PHKA1: variants seen among roughly 807,000 people sequenced by gnomAD.
The protein encoded by PHKA1 is phosphorylase b kinase regulatory subunit alpha, skeletal muscle isoform.
Under a neutral mutation model 110.2 loss-of-function variants are expected in PHKA1, and 60 were observed. The observed-to-expected ratio is 0.54, with a 90% CI of 0.44 to 0.68. The LOEUF (loss-of-function observed/expected upper bound fraction) is 0.68. PHKA1 is among the 30% of genes least tolerant of loss of function. PHKA1 has a pLI of 0.00. For synonymous variants in PHKA1, 316 were observed against 333.6 expected (o/e 0.95, Z 0.58); for missense variants, 801 against 942.5 (o/e 0.85, Z 1.97).
At chrX:72,629,152 A>G (rs185540565) in intron 16 of PHKA1, among the ~76,000 whole-genome samples, 4 of 111,488 alleles carry the variant, frequency 3.6e-5, no homozygotes, top group Non-Finnish European at 7.5e-5. Flanking sequence ...GTTCATAAAA[A>G]TTTATGTTTT....
chrX:72,656,891 T>A (rs1556301697), intron 9 of PHKA1, among the ~76,000 whole-genome samples: 1 of 111,656 alleles, frequency 9.0e-6, no homozygotes, highest in Non-Finnish European at 1.9e-5. Flanking sequence ...ATAATTTTAG[T>A]ACACTGATAG....
At chrX:72,633,190 G>A (rs2053187152) in intron 16 of PHKA1, among the ~76,000 whole-genome samples, 1 of 111,588 alleles carries the variant, frequency 9.0e-6, no homozygotes, top group African/African-American at 3.3e-5. Flanking sequence ...CCCCAAATTC[G>A]TTTGTTGAAA....
chrX:72,602,315 A>G, intron 26 of PHKA1, 42 bp from the exon 27 acceptor site: 1 of 834,660 alleles, frequency 1.2e-6, no homozygotes, highest in African/African-American at 2.0e-5. Flanking sequence ...AGAGGATAAT[A>G]AGGTTCAATT....
At chrX:72,659,017 A>T (rs1323841035) in intron 8 of PHKA1, among the ~76,000 whole-genome samples, 2 of 112,188 alleles carry the variant, frequency 1.8e-5, no homozygotes, top group Admixed American at 1.9e-4. Flanking sequence ...AATAATTGTT[A>T]TTCTTGTGTT....
intron 16 of PHKA1, among the ~76,000 whole-genome samples, chrX:72,631,382 A>C (rs1250709264): frequency 4.5e-5 from 5 of 111,169 alleles, no homozygotes; most frequent in African/African-American, 1.6e-4. Context: ...TAAGCTCCCC[A>C]CTAGCCCTTC....
In PHKA1 at chrX:72,582,335, T is replaced by G. The variant is rs1199709401; in HGVS notation, c.3498+63A>C. ...AAGTGACCGTGGCTCCTCAAAGACC[T>G]CTGAATGTCATCAGGTTGGAGTAAA... On this transcript the variant is annotated intron_variant, in intron 31 of 31. Transcript: ENST00000373542. The G allele has an allele frequency of 8.1e-5, 68 of 837,916 alleles. 1 individual carries two copies. The East Asian group carries it at 2.1e-3, about 26-fold the overall frequency. 69.1% of individuals were successfully genotyped at this position (837,916 alleles called of 1,213,427 possible).
intron 9 of PHKA1, 47 bp downstream of exon 9, chrX:72,657,541 G>GA (rs2053510537): frequency 1.6e-5 from 15 of 942,993 alleles, no homozygotes; most frequent in Non-Finnish European, 2.1e-5. Flanking sequence ...GCTGCAGGTA[G>GA]AAGTGGCCAT....
intron 5 of PHKA1, among the ~76,000 whole-genome samples, chrX:72,677,680 T>C (rs1569448081): frequency 8.9e-6 from 1 of 112,002 alleles, no homozygotes; most frequent in South Asian, 3.7e-4. Context: ...CCATTTATTT[T>C]GTTGTTCAAA....
chrX:72,698,898 A>G (rs912722689), intron 3 of PHKA1, among the ~76,000 whole-genome samples: 1 of 112,089 alleles, frequency 8.9e-6, no homozygotes, highest in Admixed American at 9.5e-5. Flanking sequence ...ATAATTTTCA[A>G]TGGCAGTTTC....
chrX:72,632,910 T>A (rs1170500628), intron 16 of PHKA1, among the ~76,000 whole-genome samples: 1 of 111,968 alleles, frequency 8.9e-6, no homozygotes, highest in Non-Finnish European at 1.9e-5. Flanking sequence ...ATTCAGTAAA[T>A]ATTACAGTTA....
chrX:72,650,508 A>G, intron 12 of PHKA1, 40 bp from the exon 13 acceptor site: 1 of 1,041,702 alleles, frequency 9.6e-7, no homozygotes, highest in Non-Finnish European at 1.3e-6. Flanking sequence ...TTAAGTCTCA[A>G]AAGAGAAACT....
intron 18 of PHKA1, chrX:72,622,455 C>T (rs2052993339): frequency 4.0e-6 from 3 of 753,960 alleles, no homozygotes; most frequent in Non-Finnish European, 4.7e-6. Flanking sequence ...GTATGAAATT[C>T]AAGCAACATA....
intron 23 of PHKA1, 41 bp from the exon 24 acceptor site, chrX:72,605,660 C>A: frequency 1.0e-6 from 1 of 984,438 alleles, no homozygotes; most frequent in South Asian, 2.0e-5. Flanking sequence ...ATTCTACAAC[C>A]ACTTAATCTT....
intron 8 of PHKA1, among the ~76,000 whole-genome samples, chrX:72,662,945 G>A (rs2053577412): frequency 2.7e-5 from 3 of 110,443 alleles, no homozygotes; most frequent in African/African-American, 9.9e-5. Context: ...AGAGGTACCT[G>A]CTCCACCAGA....
intron 28 of PHKA1, 44 bp from the exon 29 acceptor site, chrX:72,593,318 G>T: frequency 2.0e-6 from 2 of 992,675 alleles, no homozygotes; most frequent in Non-Finnish European, 2.8e-6. Flanking sequence ...AGTTATCTCT[G>T]TTTCTATGAT....
intron 3 of PHKA1, among the ~76,000 whole-genome samples, chrX:72,703,257 A>T (rs2054230713): frequency 8.9e-6 from 1 of 112,133 alleles, no homozygotes; most frequent in Non-Finnish European, 1.9e-5. Context: ...TGTGCAAAGG[A>T]CAACTGAAAG....
chrX:72,583,567 C>A lies in PHKA1; in HGVS notation c.3297+682G>T, dbSNP rs781892957. 5.4e-5 allele frequency among the ~76,000 whole-genome samples: 6 copies of A among 111,951 alleles called. No individual in the cohort carries two copies. The South Asian group carries it at 2.3e-3, about 42-fold the overall frequency. On this transcript the variant is annotated intron_variant, in intron 30 of 31. Transcript: ENST00000373542. The stretch of plus-strand genomic sequence containing the variant: ...TCCCCCAAGATGCTATCTGAAACAA[C>A]CCCAGCATTTTTGAGAACTTTCTAC...
intron 5 of PHKA1, among the ~76,000 whole-genome samples, chrX:72,682,889 C>G (rs1209035446): frequency 1.3e-5 from 1 of 78,441 alleles, no homozygotes; most frequent in Non-Finnish European, 2.4e-5. Context: ...CTGCCAAATC[C>G]CCCTCTGTGA....
At chrX:72,648,334 G>C (rs937192392) in intron 13 of PHKA1, among the ~76,000 whole-genome samples, 2 of 111,540 alleles carry the variant, frequency 1.8e-5, no homozygotes, top group African/African-American at 3.3e-5. Context: ...AGACTGTAGG[G>C]GTGGGGAGGG....
Sources: allele counts gnomAD v4.1 joint callset (sites outside exome capture counted in the v4.1 genomes callset), GRCh38; gene constraint gnomAD v4.1.1; transcripts MANE v1.5; gene names NCBI Gene and HGNC (gene_info 2026-07-23, HGNC 2026-07-21).